The following PACRGL variants were observed in gnomAD, a reference collection of about 807,000 sequenced individuals.
PACRGL encodes the protein parkin coregulated like.
In PACRGL, 38 loss-of-function variants were observed where a neutral mutation model predicts 34.5. The ratio of observed to expected loss-of-function variants is 1.10; its 90% CI spans 0.85 to 1.44. The LOEUF (loss-of-function observed/expected upper bound fraction) is 1.44, where lower values mean the gene tolerates loss of function less well. Ranked by LOEUF, PACRGL falls within the 40% of genes most tolerant of loss-of-function variation. PACRGL has a pLI of 0.00. For missense variants in PACRGL, 305 were observed against 281.4 expected, an observed-to-expected ratio of 1.08 and a Z score of -0.60; for synonymous variants, 128 against 100.1, an observed-to-expected ratio of 1.28 and a Z score of -1.66.
At chr4:20,709,503 C>T (rs1168541438) in intron 4 of PACRGL, among the ~76,000 whole-genome samples, 180 bp from the exon 5 acceptor site, 1 of 152,158 alleles carries the variant, frequency 6.6e-6, no homozygotes, top group African/African-American at 2.4e-5. Context: ...TGCTGTAAGA[C>T]TAGGAATGTG....
chr4:20,734,673 T>C, downstream of PACRGL: 1 of 1,601,498 alleles, frequency 6.2e-7, no homozygotes, highest in Non-Finnish European at 8.5e-7. Context: ...ACAGATTAAA[T>C]GCCCAATTGA....
chr4:20,704,882 T>G, intron 3 of PACRGL, 68 bp downstream of exon 3: 1 of 1,528,986 alleles, frequency 6.5e-7, no homozygotes, highest in Non-Finnish European at 9.0e-7. Flanking sequence ...TGAACAATGC[T>G]GGATGCTGTG....
At chr4:20,759,913 G>A in the PACRGL span, among the ~76,000 whole-genome samples, 250 of 152,230 alleles carry the variant, frequency 1.6e-3, 1 homozygote, top group African/African-American at 5.2e-3. Flanking sequence ...CAGGACCACC[G>A]CGGATACCAA....
chr4:20,706,397 G>A (rs1734479302), intron 3 of PACRGL, among the ~76,000 whole-genome samples: 1 of 152,098 alleles, frequency 6.6e-6, no homozygotes, highest in Non-Finnish European at 1.5e-5. Flanking sequence ...GTACTAATTT[G>A]TCTTAATTTT....
chr4:20,697,423 G>GA (rs1315423629), upstream of PACRGL, among the ~76,000 whole-genome samples: 1 of 151,730 alleles, frequency 6.6e-6, no homozygotes, highest in African/African-American at 2.4e-5. Context: ...AGCACAATGA[G>GA]AAAAAAAATC....
rs1200590867 is a variant in PACRGL at position 20,730,186 on chromosome 4, C to CTATTTTGCCCCTGAG, written c.*2850_*2864dup. On this transcript the variant is annotated 3_prime_UTR_variant, in exon 9 of 9. Transcript: ENST00000503585. The stretch of plus-strand genomic sequence containing the variant: ...CAGCATATCTGCAAGGAAAAGTACA[C>CTATTTTGCCCCTGAG]TATTTTGCCCCTGAGTATTGCCTCC... 6.5e-7 allele frequency: 1 copy of CTATTTTGCCCCTGAG among 1,543,276 alleles called. No homozygotes were observed. The highest frequency in any genetic ancestry group is 1.4e-5 in the African/African-American group (1 of 72,554).
At chr4:20,749,640 A>G in intron 8 of PACRGL, 1 of 1,524,028 alleles carries the variant, frequency 6.6e-7, no homozygotes, top group Non-Finnish European at 9.1e-7. Context: ...GTCAAATGAT[A>G]TGAAAATAAT....
chr4:20,721,827 G>A (rs1349951735), intron 7 of PACRGL, among the ~76,000 whole-genome samples: 1 of 152,162 alleles, frequency 6.6e-6, no homozygotes, highest in Non-Finnish European at 1.5e-5. Context: ...CTCCGTGCTG[G>A]GAGAACCACT....
At chr4:20,716,122 A>T in intron 7 of PACRGL, 2 of 1,521,462 alleles carry the variant, frequency 1.3e-6, no homozygotes. Context: ...TGTGCAGCTC[A>T]TGAGGTTCCC....
At chr4:20,758,768 C>G in the PACRGL span, 2 of 1,399,090 alleles carry the variant, frequency 1.4e-6, no homozygotes, top group Non-Finnish European at 2.0e-6. Context: ...CTCAACACTG[C>G]AAGCATAATT....
intron 7 of PACRGL, 32 bp downstream of exon 7, chr4:20,713,571 C>G (rs201014342): frequency 7.8e-5 from 117 of 1,504,152 alleles, no homozygotes; most frequent in Non-Finnish European, 1.0e-4. Context: ...TAATGATTGA[C>G]TGTATGTATC....
chr4:20,707,802 G>A lies in PACRGL; in HGVS notation c.208-1G>A, dbSNP rs566229012. On this transcript the variant is annotated splice_acceptor_variant, in intron 3 of 8. Coordinates refer to ENST00000503585, the MANE Select transcript of PACRGL (RefSeq NM_001258345.3). LOFTEE classifies it high-confidence loss of function. ...AGTAATATTTTCATTTTTTATTTTA[G>A]TTTGGTGAACAGTCACGAGTGCCTT... 1 of 1,612,640 alleles carries A rather than the reference G, an allele frequency of 6.2e-7. No individual in the cohort carries two copies. Among genetic ancestry groups the A allele is most frequent in the African/African-American group, 1.3e-5 (1 of 74,982 alleles).
intron 7 of PACRGL, among the ~76,000 whole-genome samples, chr4:20,717,835 A>G (rs904980756): frequency 6.7e-6 from 1 of 149,502 alleles, no homozygotes; most frequent in Non-Finnish European, 1.5e-5. Context: ...TTGTTTCCAT[A>G]TGAACTTTAA....
At chr4:20,739,738 T>C (rs1301762079) in intron 8 of PACRGL, among the ~76,000 whole-genome samples, 1 of 152,180 alleles carries the variant, frequency 6.6e-6, no homozygotes, top group Non-Finnish European at 1.5e-5. Context: ...GGATGGAGAA[T>C]GACTTTGATG....
chr4:20,699,541 A>G (rs903387231), upstream of PACRGL, among the ~76,000 whole-genome samples: 3 of 152,186 alleles, frequency 2.0e-5, no homozygotes, highest in Non-Finnish European at 4.4e-5. Context: ...CTCACAATCT[A>G]ATGAAGATGC....
chr4:20,711,280 A>T (rs770678257), intron 5 of PACRGL, among the ~76,000 whole-genome samples: 1 of 152,166 alleles, frequency 6.6e-6, no homozygotes, highest in Non-Finnish European at 1.5e-5. Context: ...ACTTCTGCTT[A>T]AAGTCAGCCT....
At chr4:20,767,287 C>A in the PACRGL span, 1 of 151,898 alleles carries the variant, frequency 6.6e-6, no homozygotes, top group African/African-American at 2.4e-5. Flanking sequence ...CAGAATTTAC[C>A]CTAAAAGAAA....
the PACRGL span, chr4:20,758,802 A>C: frequency 5.0e-6 from 8 of 1,589,928 alleles, no homozygotes; most frequent in African/African-American, 2.7e-5. Context: ...TATGTTAACA[A>C]GTCCACATTT....
In PACRGL at chr4:20,729,344, A is replaced by AACAGCCTGTAAGAAAGATTGAAC. The variant is rs1422768710; in HGVS notation, c.*2005_*2027dup. 4.0e-5 allele frequency: 6 copies of AACAGCCTGTAAGAAAGATTGAAC among 151,602 alleles called. No homozygotes were observed. Among genetic ancestry groups the AACAGCCTGTAAGAAAGATTGAAC allele is most frequent in the Non-Finnish European group, 7.4e-5 (5 of 67,980 alleles). The allele number at this position is 151,602 out of a possible 1,614,324, so 9.4% of individuals were successfully genotyped here. The stretch of plus-strand genomic sequence containing the variant: ...GATACTAATGATTGATACAATAGAA[A>AACAGCCTGTAAGAAAGATTGAAC]ACAGCCTGTAAGAAAGATTGAACAA... On this transcript the variant is annotated 3_prime_UTR_variant, in exon 9 of 9. Transcript: ENST00000503585.
Sources: gnomAD v4.1 joint callset for allele counts (sites outside exome capture counted in the v4.1 genomes callset) on GRCh38, gnomAD v4.1.1 for gene constraint, MANE v1.5 for transcripts, NCBI Gene and HGNC (gene_info 2026-07-23, HGNC 2026-07-21) for gene names.